The following AUTS2 variants were observed in gnomAD, a reference collection of about 807,000 sequenced individuals.
AUTS2 encodes the protein autism susceptibility gene 2 protein.
A neutral mutation model predicts 112.4 loss-of-function variants in AUTS2; 17 were observed. The ratio of observed to expected loss-of-function variants is 0.15; its 90% CI spans 0.10 to 0.23. AUTS2 has a LOEUF of 0.23. AUTS2 is among the 10% of genes least tolerant of loss of function. The pLI is 1.00. For missense variants in AUTS2, 1,510 were observed against 1,701.6 expected (o/e 0.89, Z 1.98); for synonymous variants, 751 against 702.7 (o/e 1.07, Z -1.09).
intron 5 of AUTS2, among the ~76,000 whole-genome samples, chr7:70,625,704 ACT>A (rs1176734452): frequency 4.6e-5 from 7 of 152,196 alleles, no homozygotes; most frequent in African/African-American, 1.7e-4. Flanking sequence ...GTAACAGTAG[ACT>A]CTGGTTCATC....
intron 2 of AUTS2, among the ~76,000 whole-genome samples, chr7:70,110,470 C>T (rs1460998582): frequency 3.9e-5 from 6 of 152,250 alleles, no homozygotes; most frequent in African/African-American, 7.2e-5. Context: ...GAGCCGAGAT[C>T]GCGCCATTGG....
chr7:70,450,711 G>A (rs749936699), intron 5 of AUTS2, among the ~76,000 whole-genome samples: 1 of 152,162 alleles, frequency 6.6e-6, no homozygotes, highest in Non-Finnish European at 1.5e-5. Flanking sequence ...TTCAGGCAGT[G>A]GCATGAAGGA....
At chr7:69,853,366 A>G (rs1364828323) in intron 1 of AUTS2, among the ~76,000 whole-genome samples, 6 of 152,132 alleles carry the variant, frequency 3.9e-5, no homozygotes, top group East Asian at 3.9e-4. Flanking sequence ...ATTGACTTAC[A>G]TATCATTTTT....
chr7:70,393,529 C>T (rs967534117), intron 4 of AUTS2, among the ~76,000 whole-genome samples: 2 of 152,012 alleles, frequency 1.3e-5, no homozygotes, highest in African/African-American at 4.8e-5. Flanking sequence ...GTGTGGATGC[C>T]TCTCTGTGGT....
At chr7:70,712,032 CT>C (rs11480034) in intron 6 of AUTS2, among the ~76,000 whole-genome samples, 110,385 of 148,840 alleles carry the variant, frequency 0.74, 41,038 homozygotes, top group East Asian at 0.93. Context: ...TTTTTCTTTC[CT>C]TTTTTTTTTG....
At chr7:69,660,140 C>T (rs1449490678) in intron 1 of AUTS2, among the ~76,000 whole-genome samples, 1 of 152,172 alleles carries the variant, frequency 6.6e-6, no homozygotes, top group Non-Finnish European at 1.5e-5. Context: ...CTTAGAGGCT[C>T]CACATTCTTT....
At chr7:70,006,326 G>T (rs139374973) in intron 2 of AUTS2, among the ~76,000 whole-genome samples, 12 of 152,072 alleles carry the variant, frequency 7.9e-5, no homozygotes, top group South Asian at 6.2e-4. Flanking sequence ...AAACGAGGAG[G>T]GGGGAGAAGC....
At chr7:70,090,426 C>G (rs890218879) in intron 2 of AUTS2, among the ~76,000 whole-genome samples, 1 of 151,388 alleles carries the variant, frequency 6.6e-6, no homozygotes, top group African/African-American at 2.4e-5. Context: ...TGCAGTGGCA[C>G]AATCTCAGCT....
intron 5 of AUTS2, among the ~76,000 whole-genome samples, chr7:70,494,622 T>C (rs1798378174): frequency 6.6e-6 from 1 of 151,982 alleles, no homozygotes; most frequent in African/African-American, 2.4e-5. Context: ...GCTGCCATTT[T>C]CCCTTGCTCT....
intron 1 of AUTS2, among the ~76,000 whole-genome samples, chr7:69,662,805 A>G (rs927688243): frequency 6.6e-5 from 10 of 152,148 alleles, no homozygotes; most frequent in African/African-American, 2.4e-4. Flanking sequence ...AAATATAGTA[A>G]TCTCTGAGGT....
At chr7:69,985,440 C>T (rs1206810764) in intron 2 of AUTS2, among the ~76,000 whole-genome samples, 5 of 152,100 alleles carry the variant, frequency 3.3e-5, no homozygotes, top group African/African-American at 1.2e-4. Flanking sequence ...TTTTCATTCT[C>T]TATATTTCAG....
chr7:69,847,167 A>G (rs1792243551), intron 1 of AUTS2, among the ~76,000 whole-genome samples: 1 of 152,210 alleles, frequency 6.6e-6, no homozygotes, highest in Admixed American at 6.5e-5. Context: ...GGCTTAATAG[A>G]ACATACGACG....
At chr7:70,566,913 T>C (rs1323807452) in intron 5 of AUTS2, among the ~76,000 whole-genome samples, 1 of 152,154 alleles carries the variant, frequency 6.6e-6, no homozygotes, top group African/African-American at 2.4e-5. Context: ...TCAGCTTAAA[T>C]TCCCTGGGAG....
chr7:70,326,057 G>C (rs1790471571), intron 4 of AUTS2, among the ~76,000 whole-genome samples: 1 of 152,168 alleles, frequency 6.6e-6, no homozygotes, highest in Non-Finnish European at 1.5e-5. Context: ...CCAGCCTCCA[G>C]GTCAGCACAG....
At chr7:70,511,638 C>T (rs1346929561) in intron 5 of AUTS2, among the ~76,000 whole-genome samples, 8 of 124,554 alleles carry the variant, frequency 6.4e-5, no homozygotes, top group African/African-American at 1.6e-4. Flanking sequence ...TGCAGTGGCA[C>T]GATCTGGGCT....
At chr7:70,572,985 T>C (rs922691079) in intron 5 of AUTS2, among the ~76,000 whole-genome samples, 17 of 152,226 alleles carry the variant, frequency 1.1e-4, no homozygotes, top group Admixed American at 2.6e-4. Context: ...AGGTTGACTG[T>C]GAACATTTAT....
intron 1 of AUTS2, among the ~76,000 whole-genome samples, chr7:69,895,320 A>G (rs1794696962): frequency 6.6e-6 from 1 of 152,252 alleles, no homozygotes. Flanking sequence ...ACCTGTTTAT[A>G]GAGGGAATGA....
chr7:69,664,663 A>T (rs1388922779), intron 1 of AUTS2, among the ~76,000 whole-genome samples: 1 of 152,206 alleles, frequency 6.6e-6, no homozygotes, highest in Non-Finnish European at 1.5e-5. Context: ...TGCAAATCAG[A>T]AGCAAATTCT....
At chr7:70,412,864 G>A (rs547874718) in intron 4 of AUTS2, among the ~76,000 whole-genome samples, 10 of 152,254 alleles carry the variant, frequency 6.6e-5, no homozygotes, top group East Asian at 3.9e-4. Flanking sequence ...GCTGGCGTGC[G>A]CCTGTAATCC....
Sources: gnomAD v4.1 joint callset for allele counts (sites outside exome capture counted in the v4.1 genomes callset) on GRCh38, gnomAD v4.1.1 for gene constraint, MANE v1.5 for transcripts, NCBI Gene and HGNC (gene_info 2026-07-23, HGNC 2026-07-21) for gene names.